ITFG1: variants seen among roughly 807,000 people sequenced by gnomAD.
ITFG1 encodes integrin alpha FG-GAP repeat containing 1.
ITFG1 carries 34 observed loss-of-function variants against 81.8 expected under a neutral mutation model. The ratio of observed to expected loss-of-function variants is 0.42; its 90% CI spans 0.32 to 0.55. The LOEUF is 0.55. ITFG1 is among the 20% of genes least tolerant of loss of function. ITFG1 has a pLI of 0.17. For missense variants in ITFG1, 672 were observed against 755.4 expected (o/e 0.89, Z 1.29); for synonymous variants, 285 against 270.6 (o/e 1.05, Z -0.52).
intron 14 of ITFG1, among the ~76,000 whole-genome samples, chr16:47,170,736 C>CT (rs35976837): frequency 0.91 from 110,572 of 121,148 alleles, 50,945 homozygotes; most frequent in Non-Finnish European, 0.95. Flanking sequence ...TCTAGATTAT[C>CT]TTTTTTTTTT....
intron 5 of ITFG1, among the ~76,000 whole-genome samples, chr16:47,429,921 C>T (rs1969072246): frequency 6.6e-6 from 1 of 151,946 alleles, no homozygotes; most frequent in African/African-American, 2.4e-5. Flanking sequence ...CTTGGCCTCT[C>T]AAAGGGCTGG....
intron 8 of ITFG1, among the ~76,000 whole-genome samples, chr16:47,348,902 T>C (rs1211248294): frequency 2.0e-5 from 3 of 152,106 alleles, no homozygotes; most frequent in Admixed American, 2.0e-4. Context: ...TGGGGGCCAA[T>C]ATTCAACATT....
intron 5 of ITFG1, among the ~76,000 whole-genome samples, chr16:47,444,052 T>G (rs910653041): frequency 2.0e-5 from 3 of 152,186 alleles, no homozygotes; most frequent in African/African-American, 7.2e-5. Flanking sequence ...TGAAAGTCAT[T>G]TTCTGCGAGA....
At chr16:47,251,665 C>T (rs1345124082) in intron 12 of ITFG1, among the ~76,000 whole-genome samples, 1 of 152,216 alleles carries the variant, frequency 6.6e-6, no homozygotes, top group Non-Finnish European at 1.5e-5. Context: ...TCCAAGAGCA[C>T]CAGTGGGTGC....
At chr16:47,182,399 A>T (rs1965138267) in intron 14 of ITFG1, among the ~76,000 whole-genome samples, 1 of 151,874 alleles carries the variant, frequency 6.6e-6, no homozygotes, top group African/African-American at 2.4e-5. Flanking sequence ...AAAAAAAAAA[A>T]GAAAATATGG....
At chr16:47,454,555 G>T (rs975269427) in intron 2 of ITFG1, among the ~76,000 whole-genome samples, 2 of 151,894 alleles carry the variant, frequency 1.3e-5, no homozygotes, top group African/African-American at 2.4e-5. Flanking sequence ...TCAATTAAAA[G>T]ATATTATTTA....
At chr16:47,183,511 C>T (rs942249420) in intron 14 of ITFG1, among the ~76,000 whole-genome samples, 8 of 152,196 alleles carry the variant, frequency 5.3e-5, no homozygotes, top group African/African-American at 1.4e-4. Context: ...TGGGAGGCAC[C>T]GCCCAGCAGG....
intron 8 of ITFG1, among the ~76,000 whole-genome samples, chr16:47,320,621 ATAACT>A (rs1428938484): frequency 3.9e-5 from 6 of 152,228 alleles, no homozygotes; most frequent in African/African-American, 9.6e-5. Flanking sequence ...TAAAAGGAAC[ATAACT>A]TAGCTACCAT....
chr16:47,262,247 T>C (rs983829415), intron 10 of ITFG1, among the ~76,000 whole-genome samples: 6 of 152,226 alleles, frequency 3.9e-5, no homozygotes, highest in African/African-American at 1.4e-4. Context: ...CCATAACATT[T>C]ACTTGGAAAA....
intron 8 of ITFG1, among the ~76,000 whole-genome samples, chr16:47,349,117 T>C (rs1191072156): frequency 6.6e-6 from 1 of 152,244 alleles, no homozygotes; most frequent in Admixed American, 6.5e-5. Context: ...TGCCAAATTG[T>C]AAAGACCACT....
At chr16:47,316,035 C>A (rs1967352582) in intron 8 of ITFG1, among the ~76,000 whole-genome samples, 1 of 152,082 alleles carries the variant, frequency 6.6e-6, no homozygotes, top group Non-Finnish European at 1.5e-5. Flanking sequence ...AAGAGATCCG[C>A]CTGCCCTGGC....
intron 4 of ITFG1, 109 bp downstream of exon 4, chr16:47,452,624 T>C: frequency 1.4e-6 from 1 of 694,614 alleles, no homozygotes; most frequent in East Asian, 2.9e-5. Flanking sequence ...GGTACAGGCC[T>C]CTGAGTGAAT....
intron 12 of ITFG1, among the ~76,000 whole-genome samples, chr16:47,251,828 T>C (rs1265110523): frequency 6.6e-6 from 1 of 152,240 alleles, no homozygotes; most frequent in Non-Finnish European, 1.5e-5. Flanking sequence ...TAAACTGTAA[T>C]AAAAGTTATG....
At chr16:47,302,258 A>T (rs534209981) in intron 10 of ITFG1, among the ~76,000 whole-genome samples, 1 of 152,330 alleles carries the variant, frequency 6.6e-6, no homozygotes, top group Admixed American at 6.5e-5. Context: ...ATTTGTATTC[A>T]TATTTAAAAG....
intron 10 of ITFG1, among the ~76,000 whole-genome samples, chr16:47,309,068 C>CTTTTT (rs1188663308): frequency 7.3e-6 from 1 of 136,334 alleles, no homozygotes; most frequent in Non-Finnish European, 1.6e-5. Context: ...AACATAACTT[C>CTTTTT]TTTTTTTTTT....
chr16:47,287,083 G>C (rs1596862292), intron 10 of ITFG1, among the ~76,000 whole-genome samples: 1 of 152,146 alleles, frequency 6.6e-6, no homozygotes, highest in Non-Finnish European at 1.5e-5. Flanking sequence ...TAAAGCTGAA[G>C]ATCAGATGTA....
intron 14 of ITFG1, among the ~76,000 whole-genome samples, chr16:47,193,747 C>T (rs1183971080): frequency 1.3e-5 from 2 of 152,080 alleles, no homozygotes; most frequent in Non-Finnish European, 2.9e-5. Flanking sequence ...GATTAATCTT[C>T]TCAATTACTA....
chr16:47,203,808 C>A (rs1402015755), intron 14 of ITFG1, among the ~76,000 whole-genome samples: 3 of 152,048 alleles, frequency 2.0e-5, no homozygotes, highest in African/African-American at 4.8e-5. Context: ...GGGATGGGCA[C>A]CCCTGACCTA....
At chr16:47,439,709 C>T (rs937566354) in intron 5 of ITFG1, among the ~76,000 whole-genome samples, 22 of 152,092 alleles carry the variant, frequency 1.4e-4, no homozygotes, top group Admixed American at 3.3e-4. Flanking sequence ...AAGGAACAAC[C>T]GGTATCAGCC....
Sources: gnomAD v4.1 joint callset for allele counts (sites outside exome capture counted in the v4.1 genomes callset) on GRCh38, gnomAD v4.1.1 for gene constraint, MANE v1.5 for transcripts, NCBI Gene and HGNC (gene_info 2026-07-23, HGNC 2026-07-21) for gene names.